Variants in HEPHL1 observed in about 807,000 individuals in gnomAD.
The protein encoded by HEPHL1 is hephaestin like 1.
A neutral mutation model predicts 122.0 loss-of-function variants in HEPHL1; 123 were observed. The observed-to-expected ratio is 1.01, with a 90% CI of 0.87 to 1.17. The LOEUF (loss-of-function observed/expected upper bound fraction) is 1.17. Among genes scored for constraint, HEPHL1 ranks in the 50% most tolerant of loss-of-function variants. HEPHL1 has a pLI of 0.00. For missense variants in HEPHL1, 1,452 were observed against 1,430.5 expected (o/e 1.01, Z -0.24); for synonymous variants, 527 against 508.9 (o/e 1.04, Z -0.48).
chr11:94,048,198 A>G (rs1176556575), intron 2 of HEPHL1, among the ~76,000 whole-genome samples: 1 of 152,160 alleles, frequency 6.6e-6, no homozygotes, highest in Non-Finnish European at 1.5e-5. Flanking sequence ...ATTCAATTGC[A>G]TGTATATACC....
intron 4 of HEPHL1, 141 bp from the exon 5 acceptor site, chr11:94,067,355 G>T: frequency 1.4e-6 from 1 of 720,790 alleles, no homozygotes; most frequent in Non-Finnish European, 2.4e-6. Flanking sequence ...ATTTCTAAGA[G>T]CCAGGTTTTT....
Position 94,093,999 on chromosome 11 carries a change from T to G in HEPHL1, c.2434+359T>G, listed in dbSNP as rs1210636631. On this transcript the variant is annotated intron_variant, in intron 13 of 19. Coordinates refer to ENST00000315765, the MANE Select transcript of HEPHL1 (RefSeq NM_001098672.2). ...ATATATATATATATATATATATATA[T>G]ATATATATATATATAAAACTTTAAG... Among the ~76,000 whole-genome samples the G allele has an allele frequency of 1.9e-4, 19 of 102,168 alleles. 1 individual carries two copies. The highest frequency in any genetic ancestry group is 5.9e-4 in the African/African-American group (13 of 21,930). 67.0% of individuals were successfully genotyped at this position (102,168 alleles called of 152,430 possible).
chr11:94,110,784 CTT>C, intron 17 of HEPHL1, 117 bp from the exon 18 acceptor site: 1 of 709,930 alleles, frequency 1.4e-6, no homozygotes, highest in Non-Finnish European at 2.3e-6. Flanking sequence ...GATTCCTGCT[CTT>C]TCTTATGTCC....
chr11:94,062,056 A>C (rs1218616448), intron 2 of HEPHL1, among the ~76,000 whole-genome samples: 1 of 152,158 alleles, frequency 6.6e-6, no homozygotes, highest in African/African-American at 2.4e-5. Context: ...ATTATGTAGC[A>C]TATAGGTTTA....
At chr11:94,043,333 C>G (rs1360497282) in intron 1 of HEPHL1, among the ~76,000 whole-genome samples, 2 of 152,076 alleles carry the variant, frequency 1.3e-5, no homozygotes. Flanking sequence ...CCCAAGTACA[C>G]AAGAAAGAGA....
At chr11:94,096,086 C>T (rs994670236) in intron 13 of HEPHL1, among the ~76,000 whole-genome samples, 1 of 152,170 alleles carries the variant, frequency 6.6e-6, no homozygotes, top group Non-Finnish European at 1.5e-5. Context: ...GAGGGCATCC[C>T]TGTCTTGTGC....
At chr11:94,042,893 A>AAAAAAAAAAAAAAAAG (rs1945799383) in intron 1 of HEPHL1, among the ~76,000 whole-genome samples, 1 of 149,674 alleles carries the variant, frequency 6.7e-6, no homozygotes. Context: ...AAAAAAAAAA[A>AAAAAAAAAAAAAAAAG]CTGCATGAAT....
chr11:94,072,939 A>G (rs1379206392), intron 6 of HEPHL1, 86 bp from the exon 7 acceptor site: 3 of 1,312,304 alleles, frequency 2.3e-6, no homozygotes, highest in Non-Finnish European at 3.2e-6. Context: ...CGAGTGGACT[A>G]AAAGTGATAG....
At chr11:94,057,941 G>C (rs1296537045) in intron 2 of HEPHL1, among the ~76,000 whole-genome samples, 1 of 151,772 alleles carries the variant, frequency 6.6e-6, no homozygotes, top group East Asian at 1.9e-4. Flanking sequence ...TTTTTTGCTT[G>C]CTTCTTTGTT....
At position 94,073,342 on chromosome 11, in the gene HEPHL1, G is replaced by A. The variant is rs763396661; in HGVS notation, c.1407G>A (p.Leu469=). ...TCAAGGCAGAGGTGGGTGATACCCT[G>A]TTAGTGACCTTTGCCAACAAAGCCG... ...PVIKAEVGDT[L]LVTFANKADK... is the part of the protein sequence containing the mutation. The change falls in exon 8 of 20, where the codon CTG becomes CTA. Residue 469 remains leucine (L), a synonymous_variant. Transcript: ENST00000315765. 26 of 1,606,702 alleles carry A rather than the reference G, an allele frequency of 1.6e-5. No homozygotes were observed. In the East Asian group the frequency reaches 5.8e-4, roughly 36 times the overall value.
intron 15 of HEPHL1, among the ~76,000 whole-genome samples, chr11:94,103,961 A>G (rs977286081): frequency 1.8e-4 from 27 of 152,366 alleles, no homozygotes; most frequent in South Asian, 6.2e-4. Context: ...ATACTATGAG[A>G]GATGCAGATA....
chr11:94,039,467 G>A (rs1945755406), intron 1 of HEPHL1, among the ~76,000 whole-genome samples: 1 of 149,552 alleles, frequency 6.7e-6, no homozygotes, highest in South Asian at 2.1e-4. Flanking sequence ...CCACATAGTT[G>A]GAAGTAAAGC....
Position 94,067,656 on chromosome 11 carries a change from C to G in HEPHL1, c.969C>G (p.Val323=), listed in dbSNP as rs1283674193. The change falls in exon 5 of 20, where the codon GTC becomes GTG. Residue 323 remains valine, a synonymous_variant. Coordinates refer to ENST00000315765, the MANE Select transcript of HEPHL1 (RefSeq NM_001098672.2). ...FISRGHRTDV[V]NLFPATFLTT... ...GCAGAGGGCATCGGACTGATGTCGT[C>G]AACCTGTTCCCAGCCACCTTCCTTA... 1 of 1,613,808 alleles carries G rather than the reference C, an allele frequency of 6.2e-7. No homozygotes were observed. The highest frequency in any genetic ancestry group is 8.5e-7 in the Non-Finnish European group (1 of 1,179,758).
chr11:94,037,077 G>GT (rs1174891821), intron 1 of HEPHL1, among the ~76,000 whole-genome samples: 1 of 152,198 alleles, frequency 6.6e-6, no homozygotes, highest in African/African-American at 2.4e-5. Flanking sequence ...GGGTCAGGGA[G>GT]TTCCCTTTCC....
chr11:94,093,366 G>C (rs1293890459), intron 12 of HEPHL1, 135 bp from the exon 13 acceptor site: 7 of 916,430 alleles, frequency 7.6e-6, no homozygotes, highest in South Asian at 1.4e-5. Context: ...GGTGCAAAAG[G>C]CCTGCTCCCC....
At chr11:94,104,804 C>G in intron 16 of HEPHL1, 54 bp downstream of exon 16, 1 of 1,356,420 alleles carries the variant, frequency 7.4e-7, no homozygotes, top group African/African-American at 1.5e-5. Context: ...ATAGGAATTC[C>G]TGTAAATGTA....
chr11:94,063,227 C>T (rs1946000928), intron 2 of HEPHL1, among the ~76,000 whole-genome samples: 1 of 152,130 alleles, frequency 6.6e-6, no homozygotes, highest in Non-Finnish European at 1.5e-5. Flanking sequence ...AGAAAGAGTC[C>T]TTATTATGAA....
chr11:94,065,322 T>C (rs1946024563), intron 4 of HEPHL1, among the ~76,000 whole-genome samples: 1 of 152,190 alleles, frequency 6.6e-6, no homozygotes, highest in Non-Finnish European at 1.5e-5. Context: ...TAGAAGGAGC[T>C]GAAGATCATC....
intron 2 of HEPHL1, among the ~76,000 whole-genome samples, chr11:94,050,100 T>A (rs536061922): frequency 2.4e-4 from 37 of 152,296 alleles, no homozygotes; most frequent in African/African-American, 8.4e-4. Context: ...TTTTTTCTGT[T>A]GATGTTATGA....
Sources: allele counts gnomAD v4.1 joint callset (sites outside exome capture counted in the v4.1 genomes callset), GRCh38; gene constraint gnomAD v4.1.1; transcripts MANE v1.5; gene names NCBI Gene and HGNC (gene_info 2026-07-23, HGNC 2026-07-21).